DCLK2: variants seen among roughly 807,000 people sequenced by gnomAD.
DCLK2 encodes serine/threonine-protein kinase DCLK2.
DCLK2 carries 31 observed loss-of-function variants against 78.4 expected under a neutral mutation model. The observed-to-expected ratio is 0.40, with a 90% CI of 0.30 to 0.53. The LOEUF is 0.53. Ranked by LOEUF, DCLK2 falls within the 20% of genes least tolerant of loss-of-function variation. The probability of loss-of-function intolerance (pLI) is 0.61; values close to 1 mark genes in which losing one functional copy is unlikely to be tolerated. For missense variants in DCLK2, 872 were observed against 973.7 expected, an observed-to-expected ratio of 0.90 and a Z score of 1.39; for synonymous variants, 407 against 374.9, an observed-to-expected ratio of 1.09 and a Z score of -0.99.
chr4:150,252,484 A>G (rs1478700439), intron 15 of DCLK2, among the ~76,000 whole-genome samples: 3 of 152,232 alleles, frequency 2.0e-5, no homozygotes, highest in Admixed American at 6.5e-5. Context: ...GGGCCCAGAT[A>G]GGAATCAGTG....
At position 150,256,427 on chromosome 4, in the gene DCLK2, G is replaced by A. The variant is rs1744576598; in HGVS notation, c.*180G>A. The A allele has an allele frequency of 2.1e-5, 17 of 791,264 alleles. No homozygotes were observed. The South Asian group carries it at 2.9e-4, about 13-fold the overall frequency. The allele number at this position is 791,264 out of a possible 1,614,324, so 49.0% of individuals were successfully genotyped here. Reference sequence around the variant, plus strand: ...GTGCCGGAGCCTGGCCTGGTGCTCTGGGCTCTGCCTTCTGGTTCCTGGAGG... The same window carrying A: ...GTGCCGGAGCCTGGCCTGGTGCTCTAGGCTCTGCCTTCTGGTTCCTGGAGG... On this transcript the variant is annotated 3_prime_UTR_variant, in exon 16 of 16. Transcript: ENST00000296550.
chr4:150,223,628 C>T (rs1464700683), intron 7 of DCLK2, among the ~76,000 whole-genome samples: 2 of 152,104 alleles, frequency 1.3e-5, no homozygotes, highest in Non-Finnish European at 2.9e-5. Flanking sequence ...CCTGTAATCC[C>T]AGCTCCTTGG....
chr4:150,240,194 G>A (rs1342005165), intron 11 of DCLK2, among the ~76,000 whole-genome samples: 1 of 152,160 alleles, frequency 6.6e-6, no homozygotes, highest in Non-Finnish European at 1.5e-5. Context: ...TTGAGAGTAT[G>A]GCAGTAGTCA....
At chr4:150,147,750 A>G (rs934343578) in intron 2 of DCLK2, among the ~76,000 whole-genome samples, 2 of 152,248 alleles carry the variant, frequency 1.3e-5, no homozygotes, top group Non-Finnish European at 2.9e-5. Flanking sequence ...GGTCAGATGT[A>G]CAATCCACTG....
intron 2 of DCLK2, among the ~76,000 whole-genome samples, chr4:150,167,421 A>G (rs1049975217): frequency 2.6e-5 from 4 of 152,244 alleles, no homozygotes; most frequent in Non-Finnish European, 4.4e-5. Context: ...AGATCATACT[A>G]CGGACCTCAA....
At chr4:150,239,141 C>CT (rs1370249387) in intron 10 of DCLK2, among the ~76,000 whole-genome samples, 1 of 152,298 alleles carries the variant, frequency 6.6e-6, no homozygotes, top group East Asian at 1.9e-4. Flanking sequence ...CGCCTACACT[C>CT]TAACTACTGT....
chr4:150,197,472 G>T (rs1580699956), intron 3 of DCLK2, among the ~76,000 whole-genome samples: 1 of 152,042 alleles, frequency 6.6e-6, no homozygotes, highest in Non-Finnish European at 1.5e-5. Flanking sequence ...GTGTAGCCTT[G>T]GCTGGGCGTG....
At chr4:150,132,328 G>T (rs1389317593) in intron 2 of DCLK2, among the ~76,000 whole-genome samples, 1 of 152,198 alleles carries the variant, frequency 6.6e-6, no homozygotes, top group African/African-American at 2.4e-5. Flanking sequence ...AAATACAAGA[G>T]GAAATTTAAA....
chr4:150,160,544 C>T (rs1487208691), intron 2 of DCLK2, among the ~76,000 whole-genome samples: 1 of 152,192 alleles, frequency 6.6e-6, no homozygotes, highest in Non-Finnish European at 1.5e-5. Flanking sequence ...ATAACTTGTT[C>T]AAGCTTCTAC....
At chr4:150,241,605 G>C (rs967083746) in intron 12 of DCLK2, among the ~76,000 whole-genome samples, 1 of 152,214 alleles carries the variant, frequency 6.6e-6, no homozygotes, top group African/African-American at 2.4e-5. Flanking sequence ...ACCTGAGGTT[G>C]TGGTTTCCCT....
intron 4 of DCLK2, among the ~76,000 whole-genome samples, chr4:150,201,248 A>G (rs1367181107): frequency 6.6e-6 from 1 of 152,084 alleles, no homozygotes; most frequent in Non-Finnish European, 1.5e-5. Context: ...ATTTCAGGAG[A>G]GAAAATCCAG....
At chr4:150,179,100 T>C (rs1211076889) in intron 2 of DCLK2, among the ~76,000 whole-genome samples, 1 of 152,130 alleles carries the variant, frequency 6.6e-6, no homozygotes, top group Non-Finnish European at 1.5e-5. Flanking sequence ...CGATCTCGGC[T>C]CACTGCAAGC....
chr4:150,232,702 A>G lies in DCLK2; in HGVS notation c.1440A>G (p.Ala480=). The change falls in exon 10 of 16, where the codon GCA becomes GCG. Residue 480 remains alanine, a synonymous_variant. Coordinates refer to ENST00000296550, the MANE Select transcript of DCLK2 (RefSeq NM_001040260.4). ...TTTAGGGTGGAGATCTCTTTGATGC[A>G]ATTACTTCGTCGACCAAGTACACTG... ...ELVKGGDLFD[A]ITSSTKYTER... 21 of 1,612,806 alleles carry G rather than the reference A, an allele frequency of 1.3e-5. No homozygotes were observed. Among genetic ancestry groups the G allele is most frequent in the Non-Finnish European group, 1.8e-5 (21 of 1,179,542 alleles).
At chr4:150,129,891 C>T (rs1349664844) in intron 2 of DCLK2, among the ~76,000 whole-genome samples, 2 of 151,924 alleles carry the variant, frequency 1.3e-5, no homozygotes, top group Non-Finnish European at 1.5e-5. Flanking sequence ...TGCCTAATCT[C>T]CATTAATGAT....
intron 10 of DCLK2, among the ~76,000 whole-genome samples, chr4:150,236,920 C>T (rs898231827): frequency 6.6e-6 from 1 of 152,170 alleles, no homozygotes; most frequent in Admixed American, 6.5e-5. Flanking sequence ...CTGCATCTGA[C>T]TCTGAATTCT....
intron 2 of DCLK2, among the ~76,000 whole-genome samples, chr4:150,189,794 A>T (rs954624874): frequency 6.6e-6 from 1 of 151,918 alleles, no homozygotes; most frequent in African/African-American, 2.4e-5. Context: ...GCCACAGTTC[A>T]TTTGGCAAAC....
chr4:150,246,192 G>A (rs187544849), intron 12 of DCLK2, among the ~76,000 whole-genome samples: 44 of 152,102 alleles, frequency 2.9e-4, no homozygotes, highest in African/African-American at 8.4e-4. Flanking sequence ...TTACAGGTGC[G>A]CACCACCATG....
chr4:150,120,528 G>T (rs1732444470), intron 2 of DCLK2, among the ~76,000 whole-genome samples: 1 of 152,190 alleles, frequency 6.6e-6, no homozygotes, highest in African/African-American at 2.4e-5. Context: ...AAAATTGCTT[G>T]TTGGAGAAAA....
intron 2 of DCLK2, among the ~76,000 whole-genome samples, chr4:150,176,482 T>A (rs924963510): frequency 6.6e-6 from 1 of 152,196 alleles, no homozygotes; most frequent in Non-Finnish European, 1.5e-5. Context: ...TTCCCAAGTT[T>A]CCTTGCCACA....
Sources: gnomAD v4.1 joint callset for allele counts (sites outside exome capture counted in the v4.1 genomes callset) on GRCh38, gnomAD v4.1.1 for gene constraint, MANE v1.5 for transcripts, NCBI Gene and HGNC (gene_info 2026-07-23, HGNC 2026-07-21) for gene names.